Variants in PTPRD observed in about 807,000 individuals in gnomAD.
The protein encoded by PTPRD is receptor-type tyrosine-protein phosphatase delta.
In PTPRD, 34 loss-of-function variants were observed where a neutral mutation model predicts 214.5. That is an observed-to-expected ratio of 0.16 (90% confidence interval 0.12 to 0.21). PTPRD has a LOEUF of 0.21. PTPRD is among the 10% of genes least tolerant of loss of function. The pLI is 1.00. For missense variants in PTPRD, 2,545 were observed against 2,398.7 expected (o/e 1.06, Z -1.27); for synonymous variants, 1,128 against 845.7 (o/e 1.33, Z -5.79).
chr9:9,827,002 G>A (rs1421479187), intron 5 of PTPRD, among the ~76,000 whole-genome samples: 2 of 152,038 alleles, frequency 1.3e-5, no homozygotes. Context: ...TGAAATAAAT[G>A]AGGATACAAA....
At chr9:8,344,483 A>G (rs998043427) in intron 39 of PTPRD, among the ~76,000 whole-genome samples, 1 of 152,090 alleles carries the variant, frequency 6.6e-6, no homozygotes, top group Non-Finnish European at 1.5e-5. Context: ...AGGGAAAAAA[A>G]TCAAATACGT....
intron 2 of PTPRD, among the ~76,000 whole-genome samples, chr9:10,578,890 C>G (rs1014715131): frequency 6.6e-6 from 1 of 152,036 alleles, no homozygotes; most frequent in Non-Finnish European, 1.5e-5. Context: ...TTTAAATCTA[C>G]ATTTTATCTT....
At chr9:8,632,952 T>C (rs1342834757) in intron 14 of PTPRD, among the ~76,000 whole-genome samples, 1 of 152,030 alleles carries the variant, frequency 6.6e-6, no homozygotes, top group Non-Finnish European at 1.5e-5. Flanking sequence ...GCTGTGGTAG[T>C]TGTAAAAAAC....
At chr9:10,377,043 C>G (rs904055078) in intron 2 of PTPRD, among the ~76,000 whole-genome samples, 1 of 151,842 alleles carries the variant, frequency 6.6e-6, no homozygotes, top group African/African-American at 2.4e-5. Flanking sequence ...CCCCCCCTTC[C>G]ACCCACCCTC....
intron 7 of PTPRD, among the ~76,000 whole-genome samples, chr9:9,681,832 A>G (rs1010322351): frequency 6.6e-6 from 1 of 151,870 alleles, no homozygotes; most frequent in Non-Finnish European, 1.5e-5. Flanking sequence ...TAATTGGCAC[A>G]TAAACCCAGC....
At chr9:10,080,210 C>T (rs769902763) in intron 3 of PTPRD, among the ~76,000 whole-genome samples, 2 of 152,094 alleles carry the variant, frequency 1.3e-5, no homozygotes, top group Non-Finnish European at 2.9e-5. Flanking sequence ...AAATCATCAC[C>T]ATTATAGCTG....
intron 5 of PTPRD, among the ~76,000 whole-genome samples, chr9:9,921,038 T>C (rs1051814990): frequency 1.3e-5 from 2 of 152,124 alleles, no homozygotes; most frequent in African/African-American, 4.8e-5. Context: ...TTTTTGCCTT[T>C]AGCTCCTGGC....
intron 8 of PTPRD, among the ~76,000 whole-genome samples, chr9:9,410,271 T>C (rs541385287): frequency 3.7e-4 from 56 of 152,326 alleles, no homozygotes; most frequent in Admixed American, 1.2e-3. Flanking sequence ...TTGCTATAAA[T>C]CACAGACAGA....
intron 9 of PTPRD, among the ~76,000 whole-genome samples, chr9:9,358,015 G>A (rs2054514428): frequency 1.3e-5 from 2 of 151,142 alleles, no homozygotes; most frequent in Non-Finnish European, 3.0e-5. Context: ...CTGTGAACAG[G>A]CTATACAGAA....
chr9:10,595,819 T>G (rs2133127015), intron 2 of PTPRD, among the ~76,000 whole-genome samples: 1 of 151,772 alleles, frequency 6.6e-6, no homozygotes, highest in East Asian at 1.9e-4. Flanking sequence ...ATCAGAGTAC[T>G]TTTTCCCTTA....
At chr9:9,197,977 G>A (rs2099939623) in intron 9 of PTPRD, among the ~76,000 whole-genome samples, 2 of 152,100 alleles carry the variant, frequency 1.3e-5, no homozygotes, top group African/African-American at 2.4e-5. Context: ...CAAAACTTTG[G>A]CAGGACTAAT....
rs562244340 is a variant in PTPRD at position 8,943,843 on chromosome 9, A to C, written c.-104+74854T>G. ...AAACTCAAAGACATTGGACTGAGTA[A>C]AGATTTCTTGATTAATACTCCAAAA... On this transcript the variant is annotated intron_variant, in intron 11 of 45. Coordinates refer to ENST00000381196, the MANE Select transcript of PTPRD (RefSeq NM_002839.4). Among the ~76,000 whole-genome samples the C allele has an allele frequency of 2.0e-5, 3 of 152,010 alleles. No homozygotes were observed. The South Asian group carries it at 6.2e-4, about 31-fold the overall frequency.
At chr9:8,324,035 A>G (rs1233883426) in intron 44 of PTPRD, among the ~76,000 whole-genome samples, 1 of 152,140 alleles carries the variant, frequency 6.6e-6, no homozygotes, top group African/African-American at 2.4e-5. Context: ...CAGCCATCAA[A>G]ATAGAGGCAA....
chr9:10,080,722 T>A (rs1200485934), intron 3 of PTPRD, among the ~76,000 whole-genome samples: 4 of 152,124 alleles, frequency 2.6e-5, no homozygotes, highest in African/African-American at 4.8e-5. Context: ...TTCTTTTCTT[T>A]ATAGGGACTC....
chr9:9,714,456 A>G (rs1194414405), intron 7 of PTPRD, among the ~76,000 whole-genome samples: 1 of 152,184 alleles, frequency 6.6e-6, no homozygotes, highest in Non-Finnish European at 1.5e-5. Context: ...GCATACACAT[A>G]TACAAAATGA....
chr9:10,606,257 C>G (rs1301817949), intron 2 of PTPRD, among the ~76,000 whole-genome samples: 1 of 151,790 alleles, frequency 6.6e-6, no homozygotes. Flanking sequence ...TCCTGATAAC[C>G]ATTTGGGTGA....
intron 8 of PTPRD, among the ~76,000 whole-genome samples, chr9:9,437,983 C>A (rs894620579): frequency 6.6e-6 from 1 of 152,102 alleles, no homozygotes. Context: ...TGGTTCCTTG[C>A]GAGGCCTGTG....
intron 7 of PTPRD, among the ~76,000 whole-genome samples, chr9:9,646,470 T>G (rs1203783897): frequency 6.6e-6 from 1 of 152,166 alleles, no homozygotes; most frequent in Non-Finnish European, 1.5e-5. Flanking sequence ...CTGTTTCCTC[T>G]GTCTACTATT....
chr9:9,024,706 T>G (rs1174967157), intron 10 of PTPRD, among the ~76,000 whole-genome samples: 1 of 151,886 alleles, frequency 6.6e-6, no homozygotes, highest in Non-Finnish European at 1.5e-5. Context: ...CATTTGTGTT[T>G]ATTAGTTTCT....
Sources: allele counts gnomAD v4.1 joint callset (sites outside exome capture counted in the v4.1 genomes callset), GRCh38; gene constraint gnomAD v4.1.1; transcripts MANE v1.5; gene names NCBI Gene and HGNC (gene_info 2026-07-23, HGNC 2026-07-21).